Variants in C2orf74 observed in about 807,000 individuals in gnomAD.
C2orf74 encodes uncharacterized protein C2orf74.
In C2orf74, 14 loss-of-function variants were observed where a neutral mutation model predicts 17.9. That is an observed-to-expected ratio of 0.78 (90% CI 0.52 to 1.22). The LOEUF (loss-of-function observed/expected upper bound fraction) is 1.22. Ranked by LOEUF, C2orf74 falls within the 50% of genes most tolerant of loss-of-function variation. The pLI is 0.00. For missense variants in C2orf74, 217 were observed against 218.4 expected (o/e 0.99, Z 0.04); for synonymous variants, 79 against 72.6 (o/e 1.09, Z -0.44).
chr2:61,164,539 G>C lies in C2orf74; in HGVS notation c.*12G>C, dbSNP rs1325720916. ...AAGAGAGGAAATGAAGCTCAAAAAA[G>C]GGTAAGAGTGAAAGAAAATGTAACG... On this transcript the variant is annotated 3_prime_UTR_variant, in exon 5 of 5. Transcript: ENST00000432605. 4 of 1,481,482 alleles carry C rather than the reference G, an allele frequency of 2.7e-6. No homozygotes were observed. Among genetic ancestry groups the C allele is most frequent in the Non-Finnish European group, 3.6e-6 (4 of 1,114,052 alleles). The allele number at this position is 1,481,482 out of a possible 1,614,324, so 91.8% of individuals were successfully genotyped here.
At chr2:61,154,894 A>T (rs1419930110) in intron 1 of C2orf74, among the ~76,000 whole-genome samples, 1 of 142,690 alleles carries the variant, frequency 7.0e-6, no homozygotes, top group Non-Finnish European at 1.5e-5. Flanking sequence ...ATCTCTACTT[A>T]AAAAAAAAAA....
upstream of C2orf74, among the ~76,000 whole-genome samples, chr2:61,158,193 T>G (rs1559185336): frequency 1.3e-5 from 2 of 152,192 alleles, no homozygotes; most frequent in African/African-American, 2.4e-5. Context: ...TAGGCCCACA[T>G]TAAGGTCCAG....
intron 1 of C2orf74, among the ~76,000 whole-genome samples, chr2:61,151,240 C>T (rs545628268): frequency 4.7e-5 from 7 of 147,742 alleles, no homozygotes; most frequent in African/African-American, 1.3e-4. Flanking sequence ...CGCTTGAACC[C>T]GGGAGATGGA....
At chr2:61,157,385 G>A (rs1048864372), upstream of C2orf74, among the ~76,000 whole-genome samples, 6 of 152,194 alleles carry the variant, frequency 3.9e-5, no homozygotes, top group African/African-American at 1.4e-4. Flanking sequence ...ATCAGGAAAT[G>A]GCAGATGGGT....
chr2:61,154,528 A>C (rs1685338575), intron 1 of C2orf74, among the ~76,000 whole-genome samples: 1 of 152,214 alleles, frequency 6.6e-6, no homozygotes, highest in Non-Finnish European at 1.5e-5. Flanking sequence ...AAATCATAAC[A>C]AATAGATCAC....
upstream of C2orf74, among the ~76,000 whole-genome samples, chr2:61,161,425 G>GT (rs1328829017): frequency 2.8e-5 from 4 of 143,394 alleles, no homozygotes; most frequent in African/African-American, 9.8e-5. Flanking sequence ...TTGTTGAGTG[G>GT]TTTTAGCATG....
intron 1 of C2orf74, among the ~76,000 whole-genome samples, chr2:61,156,900 A>C (rs1284248510): frequency 6.6e-6 from 1 of 152,112 alleles, no homozygotes; most frequent in Non-Finnish European, 1.5e-5. Context: ...ACAACAACAA[A>C]AAAGATTCTA....
At chr2:61,149,389 G>C (rs181170661) in intron 1 of C2orf74, among the ~76,000 whole-genome samples, 1 of 152,036 alleles carries the variant, frequency 6.6e-6, no homozygotes, top group Non-Finnish European at 1.5e-5. Flanking sequence ...ACAGCTGCCC[G>C]GGGTGTTTAT....
chr2:61,164,704 T>TA lies in C2orf74; in HGVS notation c.*178dup. 1 of 471,236 alleles carries TA rather than the reference T, an allele frequency of 2.1e-6. No homozygotes were observed. The allele number at this position is 471,236 out of a possible 1,614,324, so 29.2% of individuals were successfully genotyped here. A position where few individuals can be genotyped will look rare whatever the true frequency, so the allele number is the denominator to read the frequency against. Reference sequence around the variant, plus strand: ...TGCAAAATTCTGTAAGTAAAATACTTAGAGCTTGAATATAATTTTTTAAAA... The same window carrying TA: ...TGCAAAATTCTGTAAGTAAAATACTTAAGAGCTTGAATATAATTTTTTAAAA... On this transcript the variant is annotated 3_prime_UTR_variant, in exon 5 of 5. Transcript: ENST00000432605.
chr2:61,147,185 A>G lies in C2orf74; in HGVS notation c.-122+1989A>G, dbSNP rs577159306. On this transcript the variant is annotated intron_variant, in intron 1 of 3. Transcript: ENST00000426997. ...CTCTCAAAAAAAGAGAAAGAAAGAA[A>G]AAAAGGTGAAATTATGGGAGATTTT... Among the ~76,000 whole-genome samples, 6 of 151,226 alleles carry G rather than the reference A, an allele frequency of 4.0e-5. No individual in the cohort carries two copies. The East Asian group carries it at 1.2e-3, about 29-fold the overall frequency.
At chr2:61,153,307 G>T (rs926436633) in intron 1 of C2orf74, among the ~76,000 whole-genome samples, 2 of 152,060 alleles carry the variant, frequency 1.3e-5, no homozygotes, top group African/African-American at 4.8e-5. Flanking sequence ...TTGAGACGGA[G>T]TCTCGCTCAG....
intron 1 of C2orf74, among the ~76,000 whole-genome samples, chr2:61,155,669 C>T (rs1010966448): frequency 6.6e-6 from 1 of 151,936 alleles, no homozygotes; most frequent in African/African-American, 2.4e-5. Context: ...TATAGGCACC[C>T]GCCACCATGC....
At chr2:61,148,282 C>G (rs1425121019) in intron 1 of C2orf74, among the ~76,000 whole-genome samples, 1 of 151,096 alleles carries the variant, frequency 6.6e-6, no homozygotes, top group Non-Finnish European at 1.5e-5. Context: ...CGCCCCCTGG[C>G]TTCAAGCAAT....
upstream of C2orf74, among the ~76,000 whole-genome samples, chr2:61,158,977 TTTG>T (rs1553442264): frequency 8.0e-6 from 1 of 125,216 alleles, no homozygotes; most frequent in Non-Finnish European, 1.8e-5. Context: ...CAAGTTTTTT[TTTG>T]TTGTTTGTTT....
chr2:61,159,901 A>G (rs1264161812), upstream of C2orf74, among the ~76,000 whole-genome samples: 1 of 152,218 alleles, frequency 6.6e-6, no homozygotes, highest in Non-Finnish European at 1.5e-5. Flanking sequence ...TTATTGTGCT[A>G]CCATCACCAC....
intron 1 of C2orf74, among the ~76,000 whole-genome samples, chr2:61,154,234 CAAAAAA>C (rs34669899): frequency 3.0e-5 from 4 of 131,852 alleles, no homozygotes; most frequent in Admixed American, 7.6e-5. Context: ...AATTCTGTCT[CAAAAAA>C]AAAAAAAAAA....
chr2:61,149,389 G>A (rs181170661), intron 1 of C2orf74, among the ~76,000 whole-genome samples: 1 of 151,918 alleles, frequency 6.6e-6, no homozygotes, highest in Non-Finnish European at 1.5e-5. Flanking sequence ...ACAGCTGCCC[G>A]GGGTGTTTAT....
At chr2:61,154,383 T>C (rs1199517885) in intron 1 of C2orf74, among the ~76,000 whole-genome samples, 3 of 152,072 alleles carry the variant, frequency 2.0e-5, no homozygotes, top group Non-Finnish European at 2.9e-5. Context: ...AAGAGGAGCC[T>C]AAGGAGACAT....
intron 1 of C2orf74, among the ~76,000 whole-genome samples, chr2:61,149,440 A>G (rs1573704262): frequency 6.6e-6 from 1 of 152,124 alleles, no homozygotes; most frequent in African/African-American, 2.4e-5. Flanking sequence ...CTAAAGTCAG[A>G]AAAACTTTTG....
Sources: allele counts gnomAD v4.1 joint callset (sites outside exome capture counted in the v4.1 genomes callset), GRCh38; gene constraint gnomAD v4.1.1; transcripts MANE v1.5; gene names NCBI Gene and HGNC (gene_info 2026-07-23, HGNC 2026-07-21).